The following CTNNA2 variants were observed in gnomAD, a reference collection of about 807,000 sequenced individuals.
The protein encoded by CTNNA2 is catenin alpha 2.
Under a neutral mutation model 101.0 loss-of-function variants are expected in CTNNA2, and 42 were observed. The observed-to-expected ratio is 0.42, with a 90% CI of 0.32 to 0.54. The LOEUF (loss-of-function observed/expected upper bound fraction) is 0.54. Among genes scored for constraint, CTNNA2 ranks in the 20% least tolerant of loss-of-function variants. The pLI, the probability that CTNNA2 is intolerant of heterozygous loss-of-function variation, is 0.14. For synonymous variants in CTNNA2, 450 were observed against 456.4 expected (o/e 0.99, Z 0.18); for missense variants, 871 against 1,223.1 (o/e 0.71, Z 4.29).
intron 4 of CTNNA2, among the ~76,000 whole-genome samples, chr2:79,414,564 G>T (rs770892618): frequency 9.2e-5 from 14 of 151,870 alleles, no homozygotes; most frequent in Non-Finnish European, 1.6e-4. Context: ...AAATGTTCTC[G>T]GATTCTCTAC....
intron 7 of CTNNA2, among the ~76,000 whole-genome samples, chr2:80,343,910 G>C (rs1030502605): frequency 2.0e-5 from 3 of 152,092 alleles, no homozygotes; most frequent in African/African-American, 7.2e-5. Flanking sequence ...TATATAACTT[G>C]ACTTCAGTAT....
At chr2:79,347,563 A>G (rs1316973950) in intron 3 of CTNNA2, among the ~76,000 whole-genome samples, 1 of 152,114 alleles carries the variant, frequency 6.6e-6, no homozygotes, top group Non-Finnish European at 1.5e-5. Flanking sequence ...TTTAATACCG[A>G]ACCTGCGAAA....
chr2:79,333,876 G>A (rs948604387), intron 3 of CTNNA2, among the ~76,000 whole-genome samples: 1 of 151,910 alleles, frequency 6.6e-6, no homozygotes. Flanking sequence ...GTCTCCAAAG[G>A]CAATTTTTAA....
intron 7 of CTNNA2, among the ~76,000 whole-genome samples, chr2:79,923,890 T>C (rs1396623727): frequency 6.6e-6 from 1 of 152,114 alleles, no homozygotes; most frequent in African/African-American, 2.4e-5. Flanking sequence ...GCAGCTATTT[T>C]GGAAAACAGA....
At chr2:80,049,351 C>T (rs576225626) in intron 7 of CTNNA2, among the ~76,000 whole-genome samples, 2 of 152,296 alleles carry the variant, frequency 1.3e-5, no homozygotes, top group East Asian at 3.9e-4. Context: ...GGCAGAACAA[C>T]AGTCCCCATA....
At chr2:79,928,947 A>C (rs975070477) in intron 7 of CTNNA2, among the ~76,000 whole-genome samples, 3 of 152,244 alleles carry the variant, frequency 2.0e-5, no homozygotes. Context: ...TCATAATAAC[A>C]ACAGGCAAAA....
rs372452171 is a variant in CTNNA2, at chr2:79,734,425, G to A, written c.103-9962G>A. On this transcript the variant is annotated intron_variant, in intron 2 of 18. Coordinates refer to ENST00000402739, the MANE Select transcript of CTNNA2 (RefSeq NM_001282597.3). ...AAGATATATATTTTAGATACTCTAAGAGAAAAATTAAGTTCTATCAAATAT... is the reference window on the plus strand; with the variant it reads ...AAGATATATATTTTAGATACTCTAAAAGAAAAATTAAGTTCTATCAAATAT... Among the ~76,000 whole-genome samples the A allele has an allele frequency of 4.6e-5, 7 of 152,162 alleles. No individual in the cohort carries two copies. The South Asian group carries it at 1.5e-3, about 32-fold the overall frequency.
At chr2:79,626,619 A>G (rs367717708) in intron 1 of CTNNA2, among the ~76,000 whole-genome samples, 56 of 142,386 alleles carry the variant, frequency 3.9e-4, no homozygotes, top group African/African-American at 7.0e-4. Flanking sequence ...GTGTGTGTGT[A>G]TGTGTGTGTG....
intron 7 of CTNNA2, among the ~76,000 whole-genome samples, chr2:80,211,848 A>T (rs926248180): frequency 1.3e-5 from 2 of 151,680 alleles, no homozygotes; most frequent in African/African-American, 4.9e-5. Flanking sequence ...TCCTACCCAT[A>T]AGCGTGGAAT....
intron 7 of CTNNA2, among the ~76,000 whole-genome samples, chr2:79,922,689 C>T (rs2916526): frequency 0.37 from 55,408 of 149,072 alleles, 10,521 homozygotes; most frequent in African/African-American, 0.42. Context: ...AGGATCACCA[C>T]CCATTTTCCT....
chr2:79,733,076 G>A (rs1187061652), intron 2 of CTNNA2, among the ~76,000 whole-genome samples: 1 of 152,060 alleles, frequency 6.6e-6, no homozygotes, highest in Non-Finnish European at 1.5e-5. Flanking sequence ...AAGCGGGTTC[G>A]CTGGTGGCAC....
At position 80,502,903 on chromosome 2, in the gene CTNNA2, A is replaced by G. The variant is rs559976874; in HGVS notation, c.1291-42079A>G. ...CAATTGTGGCAGGGCATGGAGGCTT[A>G]TGCCTGTAATCCCAGCACTTTGGGA... is the stretch of plus-strand genomic sequence containing the variant. On this transcript the variant is annotated intron_variant, in intron 9 of 18. Transcript: ENST00000402739. 9.8e-5 allele frequency among the ~76,000 whole-genome samples: 15 copies of G among 152,318 alleles called. No individual in the cohort carries two copies. In the South Asian group the frequency reaches 2.5e-3, roughly 25 times the overall value.
intron 3 of CTNNA2, among the ~76,000 whole-genome samples, chr2:79,835,723 CCCG>C (rs1679311842): frequency 2.6e-5 from 3 of 116,542 alleles, no homozygotes; most frequent in Non-Finnish European, 4.8e-5. Flanking sequence ...TGTTGCTGTG[CCCG>C]GATTCAAGCA....
At chr2:79,814,182 G>A (rs899741410) in intron 3 of CTNNA2, among the ~76,000 whole-genome samples, 1 of 152,064 alleles carries the variant, frequency 6.6e-6, no homozygotes. Context: ...ATTTCATCGT[G>A]AGGTCCGACA....
chr2:79,343,799 C>T (rs922728643), intron 3 of CTNNA2, among the ~76,000 whole-genome samples: 2 of 151,906 alleles, frequency 1.3e-5, no homozygotes, highest in African/African-American at 4.8e-5. Context: ...CCTCATCTTT[C>T]TGAACCTAAC....
At chr2:79,598,545 T>C (rs1223169251) in intron 1 of CTNNA2, among the ~76,000 whole-genome samples, 1 of 152,206 alleles carries the variant, frequency 6.6e-6, no homozygotes, top group Non-Finnish European at 1.5e-5. Context: ...TAATTTGCAA[T>C]TCCCTGATGA....
intron 7 of CTNNA2, among the ~76,000 whole-genome samples, chr2:80,042,340 G>A (rs113066758): frequency 2.0e-4 from 31 of 152,232 alleles, no homozygotes; most frequent in Non-Finnish European, 3.2e-4. Context: ...GATCTGGTGC[G>A]GAATGGAGAA....
chr2:80,397,805 C>G (rs1269220979), intron 8 of CTNNA2, among the ~76,000 whole-genome samples: 2 of 152,194 alleles, frequency 1.3e-5, no homozygotes, highest in East Asian at 3.9e-4. Flanking sequence ...GCCAGGCAAT[C>G]TGGCTGTAGG....
intron 4 of CTNNA2, among the ~76,000 whole-genome samples, chr2:79,858,851 T>C (rs1057288732): frequency 6.6e-6 from 1 of 152,034 alleles, no homozygotes; most frequent in Non-Finnish European, 1.5e-5. Flanking sequence ...TTTTGTTTCC[T>C]AATAGAGGTG....
Sources: allele counts gnomAD v4.1 joint callset (sites outside exome capture counted in the v4.1 genomes callset), GRCh38; gene constraint gnomAD v4.1.1; transcripts MANE v1.5; gene names NCBI Gene and HGNC (gene_info 2026-07-23, HGNC 2026-07-21).